TMEM26: variants seen among roughly 807,000 people sequenced by gnomAD.
TMEM26 encodes the protein transmembrane protein 26.
A neutral mutation model predicts 28.8 loss-of-function variants in TMEM26; 38 were observed. The ratio of observed to expected loss-of-function variants is 1.32; its 90% confidence interval spans 1.02 to 1.73. The LOEUF is 1.73. Among genes scored for constraint, TMEM26 ranks in the 40% most tolerant of loss-of-function variants. TMEM26 has a pLI of 0.00. For synonymous variants in TMEM26, 227 were observed against 182.9 expected, an observed-to-expected ratio of 1.24 and a Z score of -1.95; for missense variants, 518 against 447.1, an observed-to-expected ratio of 1.16 and a Z score of -1.43.
intron 4 of TMEM26, 80 bp from the exon 5 acceptor site, chr10:61,413,615 G>T: frequency 6.8e-7 from 1 of 1,459,936 alleles, no homozygotes; most frequent in Middle Eastern, 1.8e-4. Context: ...AAGTTTTTTA[G>T]TATATTCCTA....
intron 4 of TMEM26, among the ~76,000 whole-genome samples, chr10:61,415,386 A>G (rs572887991): frequency 1.3e-5 from 2 of 152,206 alleles, no homozygotes; most frequent in East Asian, 3.9e-4. Context: ...CCCTCTTTAC[A>G]CAGTCAATGT....
rs1839503406 is a variant in TMEM26, at chr10:61,406,851, C to T, written c.*3471G>A. ...TAAAGTTACTCCCTGCATATGGAAA[C>T]TTATTTGAAGCCTCAAAGCTGTAAA... On this transcript the variant is annotated 3_prime_UTR_variant, in exon 6 of 6. Coordinates refer to ENST00000399298, the MANE Select transcript of TMEM26 (RefSeq NM_178505.8). 1 of 151,896 alleles carries T rather than the reference C, an allele frequency of 6.6e-6. No homozygotes were observed. The highest frequency in any genetic ancestry group is 1.5e-5 in the Non-Finnish European group (1 of 67,956). The allele number at this position is 151,896 out of a possible 1,614,324, so 9.4% of individuals were successfully genotyped here. A position where few individuals can be genotyped will look rare whatever the true frequency, so the allele number is the denominator to read the frequency against.
chr10:61,421,743 G>A (rs1839751861), intron 4 of TMEM26, among the ~76,000 whole-genome samples: 2 of 152,120 alleles, frequency 1.3e-5, no homozygotes, highest in South Asian at 2.1e-4. Flanking sequence ...CAGCATCTTG[G>A]TTTTGGATTC....
Position 61,409,080 on chromosome 10 carries a change from T to C in TMEM26, c.*1242A>G, listed in dbSNP as rs1839531095. 1.3e-5 allele frequency: 2 copies of C among 152,202 alleles called. No individual in the cohort carries two copies. The allele number at this position is 152,202 out of a possible 1,614,324, so 9.4% of individuals were successfully genotyped here. On this transcript the variant is annotated 3_prime_UTR_variant, in exon 6 of 6. Transcript: ENST00000399298. ...CAGTTTTGGAACTGTTTGCCTCGTG[T>C]AATTACTGCTACACACCCGAGCAAA...
At chr10:61,424,798 A>T (rs542479701) in intron 4 of TMEM26, among the ~76,000 whole-genome samples, 6 of 152,290 alleles carry the variant, frequency 3.9e-5, no homozygotes, top group Admixed American at 2.0e-4. Flanking sequence ...TTTGACAAAG[A>T]TGCTAAGGCA....
In TMEM26 at chr10:61,451,442, G is replaced by C. The variant is rs547386381; in HGVS notation, c.191+1449C>G. ...TTTCAGCCTCAGACTTCATCTTTCT[G>C]TGACCAAAGATATTTCCACTCTGGC... On this transcript the variant is annotated intron_variant, in intron 1 of 5. Coordinates refer to ENST00000399298, the MANE Select transcript of TMEM26 (RefSeq NM_178505.8). Among the ~76,000 whole-genome samples the C allele has an allele frequency of 3.9e-5, 6 of 152,234 alleles. No individual in the cohort carries two copies. In the South Asian group the frequency reaches 1.2e-3, roughly 32 times the overall value.
At chr10:61,431,172 G>T in intron 3 of TMEM26, 47 bp downstream of exon 3, 1 of 1,476,750 alleles carries the variant, frequency 6.8e-7, no homozygotes, top group Non-Finnish European at 9.5e-7. Flanking sequence ...ATTATACCAA[G>T]TCCACCATTT....
chr10:61,446,986 T>C (rs1275435182), intron 1 of TMEM26, among the ~76,000 whole-genome samples: 1 of 151,834 alleles, frequency 6.6e-6, no homozygotes, highest in Admixed American at 6.6e-5. Flanking sequence ...AAATGCACTA[T>C]GTGCAAACAC....
intron 4 of TMEM26, among the ~76,000 whole-genome samples, chr10:61,424,120 C>T (rs1358396617): frequency 6.6e-6 from 1 of 152,050 alleles, no homozygotes; most frequent in Non-Finnish European, 1.5e-5. Flanking sequence ...TAAAGGCATA[C>T]TGATTAGAAA....
intron 3 of TMEM26, among the ~76,000 whole-genome samples, chr10:61,429,375 G>A (rs994628673): frequency 2.0e-5 from 3 of 152,010 alleles, no homozygotes; most frequent in Admixed American, 1.3e-4. Context: ...CAAGTAATTT[G>A]AGCCTTAAAC....
chr10:61,414,064 T>C, intron 4 of TMEM26: 3 of 986,176 alleles, frequency 3.0e-6, no homozygotes, highest in Non-Finnish European at 3.6e-6. Context: ...TACCAGATAG[T>C]AGGACATAAA....
rs980391465 is a variant in TMEM26, at chr10:61,410,764, A to T, written c.683-18T>A. 6.2e-7 allele frequency: 1 copy of T among 1,609,530 alleles called. No homozygotes were observed. Among genetic ancestry groups the T allele is most frequent in the Non-Finnish European group, 8.5e-7 (1 of 1,177,136 alleles). On this transcript the variant is annotated intron_variant, in intron 5 of 5. Coordinates refer to ENST00000399298, the MANE Select transcript of TMEM26 (RefSeq NM_178505.8). Reference sequence around the variant, plus strand: ...GTTCTGTACTGAAAACACAAGACAGACTAGTTACTATCTCTCTTGGAAGTG... The same window carrying T: ...GTTCTGTACTGAAAACACAAGACAGTCTAGTTACTATCTCTCTTGGAAGTG...
At chr10:61,447,812 G>C (rs948348172) in intron 1 of TMEM26, among the ~76,000 whole-genome samples, 6 of 152,096 alleles carry the variant, frequency 3.9e-5, no homozygotes, top group Non-Finnish European at 5.9e-5. Flanking sequence ...CCCCAGCCAG[G>C]CCTCTCTGAC....
At position 61,408,252 on chromosome 10, in the gene TMEM26, T is replaced by C. The variant is rs934627024; in HGVS notation, c.*2070A>G. On this transcript the variant is annotated 3_prime_UTR_variant, in exon 6 of 6. Transcript: ENST00000399298. ...CTCTTTGACTTCCTGACCCTCTAAA[T>C]AAAGCTAGACTTTGGACAGGCTTTT... The C allele has an allele frequency of 1.3e-5, 2 of 152,168 alleles. No homozygotes were observed. The highest frequency in any genetic ancestry group is 2.9e-5 in the Non-Finnish European group (2 of 68,026). 9.4% of individuals were successfully genotyped at this position (152,168 alleles called of 1,614,324 possible).
intron 1 of TMEM26, among the ~76,000 whole-genome samples, chr10:61,440,848 G>A (rs1589042039): frequency 6.6e-6 from 1 of 152,094 alleles, no homozygotes; most frequent in Non-Finnish European, 1.5e-5. Flanking sequence ...CTTAGTATCT[G>A]GGGGGGATTG....
chr10:61,412,014 C>CAATA (rs1839575992), intron 5 of TMEM26, among the ~76,000 whole-genome samples: 1 of 152,054 alleles, frequency 6.6e-6, no homozygotes, highest in Non-Finnish European at 1.5e-5. Context: ...CTTAGCAAGG[C>CAATA]AATAAACCAC....
At position 61,453,129 on chromosome 10, in the gene TMEM26, C is replaced by A. The variant is rs761050896; in HGVS notation, c.-48G>T. The A allele has an allele frequency of 2.3e-5, 36 of 1,580,464 alleles. No individual in the cohort carries two copies. Among genetic ancestry groups the A allele is most frequent in the Non-Finnish European group, 3.1e-5 (36 of 1,160,322 alleles). ...CGTCCCCTTGCCTGCGCCCCCAGGA[C>A]CCTGCCGGGCGTGCCCGGAGCCCAC... On this transcript the variant is annotated 5_prime_UTR_variant, in exon 1 of 6. Transcript: ENST00000399298.
At chr10:61,432,434 A>G (rs913562782) in intron 2 of TMEM26, among the ~76,000 whole-genome samples, 2 of 152,176 alleles carry the variant, frequency 1.3e-5, no homozygotes, top group African/African-American at 4.8e-5. Context: ...TCCGAGGTAA[A>G]GTAAGAAAAG....
chr10:61,421,884 G>A (rs529083333), intron 4 of TMEM26, among the ~76,000 whole-genome samples: 1 of 152,062 alleles, frequency 6.6e-6, no homozygotes, highest in Non-Finnish European at 1.5e-5. Context: ...CTTAACTGGG[G>A]AGGAAAATGC....
Sources: gnomAD v4.1 joint callset for allele counts (sites outside exome capture counted in the v4.1 genomes callset) on GRCh38, gnomAD v4.1.1 for gene constraint, MANE v1.5 for transcripts, NCBI Gene and HGNC (gene_info 2026-07-23, HGNC 2026-07-21) for gene names.